CCDC148: variants seen among roughly 807,000 people sequenced by gnomAD.
The protein encoded by CCDC148 is coiled-coil domain-containing protein 148.
In CCDC148, 89 loss-of-function variants were observed where a neutral mutation model predicts 85.7. The ratio of observed to expected loss-of-function variants is 1.04; its 90% CI spans 0.87 to 1.24. CCDC148 has a LOEUF of 1.24. CCDC148 is among the 50% of genes most tolerant of loss of function. The pLI is 0.00. For missense variants in CCDC148, 692 were observed against 671.7 expected (o/e 1.03, Z -0.33); for synonymous variants, 230 against 213.9 (o/e 1.08, Z -0.66).
chr2:158,344,213 G>A (rs1682882249), intron 3 of CCDC148, among the ~76,000 whole-genome samples: 1 of 152,190 alleles, frequency 6.6e-6, no homozygotes, highest in South Asian at 2.1e-4. Context: ...CATAAAAGGT[G>A]ACTTTTTGAG....
chr2:158,456,140 G>C (rs1688694634), intron 1 of CCDC148, among the ~76,000 whole-genome samples: 1 of 152,158 alleles, frequency 6.6e-6, no homozygotes, highest in Non-Finnish European at 1.5e-5. Flanking sequence ...GGAGATTAGA[G>C]GTTTGCTTTG....
At chr2:158,277,431 G>T (rs886688931) in intron 9 of CCDC148, among the ~76,000 whole-genome samples, 7 of 152,060 alleles carry the variant, frequency 4.6e-5, no homozygotes, top group Admixed American at 4.6e-4. Flanking sequence ...AATAATGATT[G>T]ATCTAAATAT....
intron 11 of CCDC148, among the ~76,000 whole-genome samples, chr2:158,182,573 C>T (rs1345422925): frequency 6.6e-6 from 1 of 151,924 alleles, no homozygotes; most frequent in Non-Finnish European, 1.5e-5. Context: ...AATGGAGAGG[C>T]GAGAGACAAG....
chr2:158,268,215 G>A (rs1227097531), intron 9 of CCDC148, among the ~76,000 whole-genome samples: 1 of 152,104 alleles, frequency 6.6e-6, no homozygotes, highest in East Asian at 1.9e-4. Flanking sequence ...ATGCATAAGG[G>A]TTCCAGTTGT....
chr2:158,352,306 G>T (rs1325157265), intron 2 of CCDC148, among the ~76,000 whole-genome samples: 1 of 151,492 alleles, frequency 6.6e-6, no homozygotes, highest in Non-Finnish European at 1.5e-5. Flanking sequence ...CAAACCAAAG[G>T]GAAAGAAGTT....
intron 2 of CCDC148, among the ~76,000 whole-genome samples, chr2:158,350,405 ATATT>A (rs1430482100): frequency 1.2e-4 from 19 of 152,276 alleles, no homozygotes; most frequent in African/African-American, 4.1e-4. Context: ...ACATGTATGA[ATATT>A]TATTTATCTA....
At chr2:158,212,401 C>A (rs1445424521) in intron 11 of CCDC148, among the ~76,000 whole-genome samples, 1 of 152,192 alleles carries the variant, frequency 6.6e-6, no homozygotes, top group Non-Finnish European at 1.5e-5. Context: ...CCTTCCAATA[C>A]AACATGTCGA....
At chr2:158,240,481 C>CAA (rs1359192062) in intron 10 of CCDC148, among the ~76,000 whole-genome samples, 7 of 151,484 alleles carry the variant, frequency 4.6e-5, no homozygotes, top group Admixed American at 4.6e-4. Context: ...CACACACACA[C>CAA]ACACACACAC....
At chr2:158,283,115 T>A (rs979710526) in intron 9 of CCDC148, among the ~76,000 whole-genome samples, 3 of 152,154 alleles carry the variant, frequency 2.0e-5, no homozygotes, top group African/African-American at 7.2e-5. Context: ...TCACACCTTA[T>A]ACAAAAATCA....
At chr2:158,402,651 C>A (rs2543638) in intron 1 of CCDC148, among the ~76,000 whole-genome samples, 1 of 152,024 alleles carries the variant, frequency 6.6e-6, no homozygotes, top group Non-Finnish European at 1.5e-5. Context: ...ATTCTTTTAA[C>A]AGATATATTA....
chr2:158,343,180 C>T (rs1273768945), intron 3 of CCDC148, among the ~76,000 whole-genome samples: 2 of 152,130 alleles, frequency 1.3e-5, no homozygotes, highest in African/African-American at 4.8e-5. Flanking sequence ...CCACCACACC[C>T]TGGCAAAATT....
intron 9 of CCDC148, among the ~76,000 whole-genome samples, chr2:158,307,671 A>G (rs900274608): frequency 1.3e-5 from 2 of 152,242 alleles, no homozygotes; most frequent in African/African-American, 2.4e-5. Context: ...GTTAGCAGGA[A>G]AATATATACA....
chr2:158,363,282 G>C (rs1684049133), intron 1 of CCDC148, among the ~76,000 whole-genome samples: 1 of 152,092 alleles, frequency 6.6e-6, no homozygotes, highest in Admixed American at 6.5e-5. Flanking sequence ...CCAAACAACA[G>C]AAAAAGAGGG....
chr2:158,172,700 C>T (rs1020982241), intron 13 of CCDC148, among the ~76,000 whole-genome samples: 1 of 152,034 alleles, frequency 6.6e-6, no homozygotes, highest in Non-Finnish European at 1.5e-5. Flanking sequence ...ATGGCCACCA[C>T]TTGAAAAACA....
intron 9 of CCDC148, among the ~76,000 whole-genome samples, chr2:158,291,072 C>T (rs1690870598): frequency 6.6e-6 from 1 of 151,832 alleles, no homozygotes; most frequent in African/African-American, 2.4e-5. Flanking sequence ...CCATAAAATC[C>T]ATCGCTGCCC....
chr2:158,340,371 C>T lies in CCDC148; in HGVS notation c.357G>A (p.Gln119=). Residue 119 remains glutamine (Q), a synonymous_variant, in exon 5 of 14, where the codon CAG becomes CAA. Coordinates refer to ENST00000283233, the MANE Select transcript of CCDC148 (RefSeq NM_138803.4). ...TNFEQELSEQ[Q]CTYLKNVINP... Reference sequence around the variant, plus strand: ...TTATTACATTTTTAAGATATGTGCACTGTTGTTCTGATAGCTCTTGCTCTA... The same window carrying T: ...TTATTACATTTTTAAGATATGTGCATTGTTGTTCTGATAGCTCTTGCTCTA... The T allele has an allele frequency of 6.2e-7, 1 of 1,613,732 alleles. No homozygotes were observed. Among genetic ancestry groups the T allele is most frequent in the Non-Finnish European group, 8.5e-7 (1 of 1,179,886 alleles).
intron 12 of CCDC148, 156 bp from the exon 13 acceptor site, chr2:158,176,817 G>T: frequency 1.3e-6 from 1 of 742,030 alleles, no homozygotes. Context: ...GTCAGTCCTA[G>T]AGATCCACAA....
intron 11 of CCDC148, among the ~76,000 whole-genome samples, chr2:158,204,264 T>G (rs1224898334): frequency 1.3e-5 from 2 of 152,226 alleles, no homozygotes; most frequent in South Asian, 4.1e-4. Flanking sequence ...AAAAGGGCAC[T>G]ATGGTGGTTT....
chr2:158,216,352 A>T (rs1451259902), intron 11 of CCDC148, among the ~76,000 whole-genome samples: 1 of 151,420 alleles, frequency 6.6e-6, no homozygotes, highest in Non-Finnish European at 1.5e-5. Flanking sequence ...CGTACTGTAA[A>T]AAATCTTTAA....
Sources: allele counts gnomAD v4.1 joint callset (sites outside exome capture counted in the v4.1 genomes callset), GRCh38; gene constraint gnomAD v4.1.1; transcripts MANE v1.5; gene names NCBI Gene and HGNC (gene_info 2026-07-23, HGNC 2026-07-21).